Variants in SRPK2 observed in about 807,000 individuals in gnomAD.
The protein encoded by SRPK2 is SRSF protein kinase 2.
SRPK2 carries 21 observed loss-of-function variants against 90.8 expected under a neutral mutation model. The ratio of observed to expected loss-of-function variants is 0.23; its 90% confidence interval spans 0.16 to 0.33. The LOEUF (loss-of-function observed/expected upper bound fraction) is 0.33. Ranked by LOEUF, SRPK2 falls within the 10% of genes least tolerant of loss-of-function variation. The pLI is 1.00. For synonymous variants in SRPK2, 288 were observed against 311.1 expected (o/e 0.93, Z 0.78); for missense variants, 620 against 869.0 (o/e 0.71, Z 3.60).
rs1422785847 is a variant in SRPK2 at position 105,228,686 on chromosome 7, G to T, written c.72-24901C>A. On this transcript the variant is annotated intron_variant, in intron 2 of 15. Coordinates refer to ENST00000393651, the MANE Select transcript of SRPK2 (RefSeq NM_182692.3). ...CCCTCACCTAGGCAGCGCCACAAGCGGCAAGATGAGCTGCTAACACACTGC... is the reference window on the plus strand; with the variant it reads ...CCCTCACCTAGGCAGCGCCACAAGCTGCAAGATGAGCTGCTAACACACTGC... 2.0e-5 allele frequency among the ~76,000 whole-genome samples: 3 copies of T among 152,114 alleles called. No homozygotes were observed. In the East Asian group the frequency reaches 5.8e-4, roughly 29 times the overall value.
At chr7:105,186,386 C>T (rs904739279) in intron 3 of SRPK2, among the ~76,000 whole-genome samples, 1 of 152,242 alleles carries the variant, frequency 6.6e-6, no homozygotes, top group South Asian at 2.1e-4. Flanking sequence ...CTATTGTTTC[C>T]ATCTTTAAGT....
chr7:105,215,295 A>G (rs1797325138), intron 2 of SRPK2, among the ~76,000 whole-genome samples: 1 of 152,228 alleles, frequency 6.6e-6, no homozygotes, highest in Admixed American at 6.5e-5. Context: ...AACCACAATG[A>G]GATACCACTT....
At chr7:105,257,215 A>C (rs1803448683) in intron 2 of SRPK2, among the ~76,000 whole-genome samples, 1 of 152,230 alleles carries the variant, frequency 6.6e-6, no homozygotes. Context: ...TAACAAATAA[A>C]ATCTACTAAA....
chr7:105,173,088 C>A (rs1049866160), intron 3 of SRPK2, among the ~76,000 whole-genome samples: 2 of 151,964 alleles, frequency 1.3e-5, no homozygotes, highest in African/African-American at 4.8e-5. Flanking sequence ...AATATTATCT[C>A]TATAAAAAGG....
intron 2 of SRPK2, among the ~76,000 whole-genome samples, chr7:105,331,039 C>T (rs947585291): frequency 2.0e-5 from 3 of 151,908 alleles, no homozygotes; most frequent in East Asian, 1.9e-4. Flanking sequence ...CGATGGCTCA[C>T]GCCTATAATC....
intron 2 of SRPK2, among the ~76,000 whole-genome samples, chr7:105,287,119 G>T (rs1808216309): frequency 6.6e-6 from 1 of 151,032 alleles, no homozygotes; most frequent in Non-Finnish European, 1.5e-5. Context: ...AAATTAGCCG[G>T]GCGTAGTGGC....
chr7:105,360,582 C>T (rs1401885608), intron 2 of SRPK2, among the ~76,000 whole-genome samples: 4 of 152,114 alleles, frequency 2.6e-5, no homozygotes, highest in African/African-American at 9.7e-5. Context: ...CAAAATCTCT[C>T]AACATTTGCT....
intron 10 of SRPK2, 127 bp from the exon 11 acceptor site, chr7:105,142,617 G>C (rs1187169637): frequency 7.8e-7 from 1 of 1,284,350 alleles, no homozygotes; most frequent in East Asian, 2.4e-5. Context: ...AACACCTCTT[G>C]GCTTTTGGGG....
chr7:105,340,067 GAA>G (rs537816807), intron 2 of SRPK2, among the ~76,000 whole-genome samples: 1 of 100,650 alleles, frequency 9.9e-6, no homozygotes, highest in Non-Finnish European at 2.1e-5. Context: ...CAAAAAAAAG[GAA>G]AAAAAAAAAA....
chr7:105,398,440 A>G (rs1388058639), intron 1 of SRPK2, among the ~76,000 whole-genome samples: 4 of 150,170 alleles, frequency 2.7e-5, no homozygotes, highest in East Asian at 3.9e-4. Flanking sequence ...CTGGAGTGCA[A>G]TGGCGCAACC....
intron 2 of SRPK2, among the ~76,000 whole-genome samples, chr7:105,324,678 G>C (rs373876282): frequency 1.3e-5 from 2 of 152,224 alleles, no homozygotes; most frequent in African/African-American, 4.8e-5. Context: ...CTTGAGGTCA[G>C]GAGTTTCAGA....
intron 2 of SRPK2, among the ~76,000 whole-genome samples, chr7:105,257,314 G>C (rs901394754): frequency 2.6e-5 from 4 of 152,174 alleles, no homozygotes; most frequent in African/African-American, 9.7e-5. Context: ...AGTTTTTATT[G>C]TTGCTATTGT....
intron 2 of SRPK2, among the ~76,000 whole-genome samples, chr7:105,286,206 TTTTTCAA>T (rs1808083579): frequency 6.6e-6 from 1 of 152,210 alleles, no homozygotes; most frequent in Non-Finnish European, 1.5e-5. Flanking sequence ...TGTCCTCAAA[TTTTTCAA>T]TGACATTCCT....
chr7:105,328,773 G>A (rs995758189), intron 2 of SRPK2, among the ~76,000 whole-genome samples: 6 of 151,272 alleles, frequency 4.0e-5, no homozygotes, highest in Non-Finnish European at 7.4e-5. Context: ...GCTGAGGCAG[G>A]AGAATGGTGT....
At chr7:105,261,545 A>C (rs899629218) in intron 2 of SRPK2, among the ~76,000 whole-genome samples, 24 of 152,128 alleles carry the variant, frequency 1.6e-4, no homozygotes, top group Non-Finnish European at 2.6e-4. Flanking sequence ...AAAAGAAAGA[A>C]AAAAGAAAAA....
At chr7:105,181,557 C>T (rs768745495) in intron 3 of SRPK2, among the ~76,000 whole-genome samples, 84 of 152,134 alleles carry the variant, frequency 5.5e-4, no homozygotes, top group African/African-American at 7.7e-4. Context: ...AGATCATGTC[C>T]GCTGCAGGAA....
At chr7:105,283,106 C>A (rs1391619218) in intron 2 of SRPK2, among the ~76,000 whole-genome samples, 1 of 152,194 alleles carries the variant, frequency 6.6e-6, no homozygotes, top group Non-Finnish European at 1.5e-5. Context: ...TACCACTTCA[C>A]AACCAAGAGG....
intron 2 of SRPK2, among the ~76,000 whole-genome samples, chr7:105,331,474 G>C (rs1340255665): frequency 6.6e-6 from 1 of 152,054 alleles, no homozygotes; most frequent in Non-Finnish European, 1.5e-5. Flanking sequence ...TCCTGGCTTT[G>C]GGAGAGAGAA....
At chr7:105,257,331 A>G (rs1803468532) in intron 2 of SRPK2, among the ~76,000 whole-genome samples, 1 of 152,248 alleles carries the variant, frequency 6.6e-6, no homozygotes, top group South Asian at 2.1e-4. Flanking sequence ...TTGTTATTAT[A>G]ATAGCTGCTC....
Sources: gnomAD v4.1 joint callset for allele counts (sites outside exome capture counted in the v4.1 genomes callset) on GRCh38, gnomAD v4.1.1 for gene constraint, MANE v1.5 for transcripts, NCBI Gene and HGNC (gene_info 2026-07-23, HGNC 2026-07-21) for gene names.